Variants in PLA2R1 observed in about 807,000 individuals in gnomAD.
PLA2R1 encodes secretory phospholipase A2 receptor.
Under a neutral mutation model 195.9 loss-of-function variants are expected in PLA2R1, and 158 were observed. The observed-to-expected ratio is 0.81, with a 90% CI of 0.71 to 0.92. PLA2R1 has a LOEUF of 0.92. PLA2R1 is among the 40% of genes least tolerant of loss of function. The probability of loss-of-function intolerance (pLI) is 0.00; values close to 1 mark genes in which losing one functional copy is unlikely to be tolerated. For missense variants in PLA2R1, 1,626 were observed against 1,764.6 expected (o/e 0.92, Z 1.41); for synonymous variants, 586 against 598.2 (o/e 0.98, Z 0.30).
In PLA2R1 at chr2:159,985,603, C is replaced by T. The variant is rs111335119; in HGVS notation, c.2038-1530G>A. Among the ~76,000 whole-genome samples, 1,214 of 152,162 alleles carry T rather than the reference C, an allele frequency of 8.0e-3. 13 individuals carry two copies. The highest frequency in any genetic ancestry group is 0.014 in the Admixed American group (220 of 15,270). The stretch of plus-strand genomic sequence containing the variant: ...CACATATATACACATACAAATCAAC[C>T]GTATGCATCAATTTGTTTGATCTTC... On this transcript the variant is annotated intron_variant, in intron 12 of 29. Transcript: ENST00000283243.
intron 3 of PLA2R1, among the ~76,000 whole-genome samples, chr2:160,037,226 T>C (rs1290576880): frequency 3.3e-5 from 5 of 152,242 alleles, no homozygotes; most frequent in Admixed American, 6.5e-5. Flanking sequence ...TTCAGTATAA[T>C]AGAGCCAGAG....
At chr2:159,996,656 C>A (rs910902555) in intron 11 of PLA2R1, among the ~76,000 whole-genome samples, 1 of 151,922 alleles carries the variant, frequency 6.6e-6, no homozygotes, top group Non-Finnish European at 1.5e-5. Flanking sequence ...TCTTTCTTTT[C>A]CTTCTGATAT....
rs1292123908 is a variant in PLA2R1, at chr2:159,934,389, A to G, written c.*7389T>C. 4 of 152,230 alleles carry G rather than the reference A, an allele frequency of 2.6e-5. No individual in the cohort carries two copies. The highest frequency in any genetic ancestry group is 4.4e-5 in the Non-Finnish European group (3 of 68,046). 9.4% of individuals were successfully genotyped at this position (152,230 alleles called of 1,614,324 possible). A position where few individuals can be genotyped will look rare whatever the true frequency, so the allele number is the denominator to read the frequency against. ...TGTCTGGCTCCTAATCCTACAGCGG[A>G]TGGTGTGTTAGGTAAGTTGGAGACA... On this transcript the variant is annotated 3_prime_UTR_variant, in exon 30 of 30. Transcript: ENST00000283243.
chr2:160,039,259 T>G (rs141748209), intron 3 of PLA2R1, among the ~76,000 whole-genome samples: 3 of 152,254 alleles, frequency 2.0e-5, no homozygotes, highest in African/African-American at 7.2e-5. Flanking sequence ...GTTGGTATCG[T>G]AAAAATATCT....
chr2:160,003,945 T>A (rs1473750079), intron 11 of PLA2R1, among the ~76,000 whole-genome samples: 1 of 152,180 alleles, frequency 6.6e-6, no homozygotes, highest in African/African-American at 2.4e-5. Flanking sequence ...CTAAGACAGA[T>A]TGCTAAGTGA....
At chr2:159,956,458 A>C in intron 21 of PLA2R1, 52 bp downstream of exon 21, 1 of 906,610 alleles carries the variant, frequency 1.1e-6, no homozygotes, top group Non-Finnish European at 1.9e-6. Context: ...ATTTTAATAA[A>C]TACTTGAATA....
chr2:159,951,417 G>C lies in PLA2R1; in HGVS notation c.3463C>G (p.Gln1155Glu), dbSNP rs1687736095. 2 of 1,613,736 alleles carry C rather than the reference G, an allele frequency of 1.2e-6. No individual in the cohort carries two copies. The highest frequency in any genetic ancestry group is 3.3e-5 in the Admixed American group (2 of 59,980). The change falls in exon 24 of 30, where the codon CAG (glutamine) becomes GAG (glutamate). Residue 1155 changes from glutamine to glutamate, a missense_variant. By Grantham distance (29) the Gln-to-Glu change is conservative. Coordinates refer to ENST00000283243, the MANE Select transcript of PLA2R1 (RefSeq NM_007366.5). ...ACAGTGAGGAAGGACTGGTGATACT[G>C]GTCTGTGATGCTGACCAGTTGTGCT... is the stretch of plus-strand genomic sequence containing the variant. ...HKAQLVSITD[Q>E]YHQSFLTVVL...
At chr2:159,962,811 A>C (rs1688536425) in intron 20 of PLA2R1, among the ~76,000 whole-genome samples, 1 of 152,032 alleles carries the variant, frequency 6.6e-6, no homozygotes, top group African/African-American at 2.4e-5. Flanking sequence ...ACATGTTCTC[A>C]CTCATAAGTG....
intron 13 of PLA2R1, among the ~76,000 whole-genome samples, chr2:159,981,103 T>C (rs1689917695): frequency 6.6e-6 from 1 of 152,184 alleles, no homozygotes; most frequent in African/African-American, 2.4e-5. Context: ...AATTCAGAGT[T>C]CTATGTCTTT....
chr2:159,967,280 C>T (rs1688852092), intron 20 of PLA2R1, among the ~76,000 whole-genome samples: 1 of 152,106 alleles, frequency 6.6e-6, no homozygotes, highest in Non-Finnish European at 1.5e-5. Flanking sequence ...ATTCATACAG[C>T]ACAATAAATG....
intron 20 of PLA2R1, among the ~76,000 whole-genome samples, chr2:159,961,166 G>A (rs1230079432): frequency 1.3e-5 from 2 of 152,234 alleles, no homozygotes; most frequent in Non-Finnish European, 2.9e-5. Context: ...AGAAACTCCA[G>A]TGGTGGAATT....
downstream of PLA2R1, among the ~76,000 whole-genome samples, chr2:159,928,202 C>T (rs547432386): frequency 1.3e-5 from 2 of 152,278 alleles, no homozygotes; most frequent in African/African-American, 4.8e-5. Context: ...TGTCGTAATG[C>T]CAATATATGA....
Position 159,969,255 on chromosome 2 carries a change from C to T in PLA2R1, c.2764+1G>A, listed in dbSNP as rs201049845. ...ACCCAAAAATGGGTAAGTAAAATAA[C>T]CTGTTATAGAAGAAATAAAGCCACA... On this transcript the variant is annotated splice_donor_variant, in intron 19 of 29. Transcript: ENST00000283243. LOFTEE classifies it high-confidence loss of function. 2.0e-6 allele frequency: 3 copies of T among 1,526,902 alleles called. No individual in the cohort carries two copies. Among genetic ancestry groups the T allele is most frequent in the Admixed American group, 1.7e-5 (1 of 59,098 alleles). 94.6% of individuals were successfully genotyped at this position (1,526,902 alleles called of 1,614,324 possible).
chr2:159,949,504 G>C, intron 25 of PLA2R1, 104 bp downstream of exon 25: 1 of 734,014 alleles, frequency 1.4e-6, no homozygotes, highest in Non-Finnish European at 2.2e-6. Flanking sequence ...TTCTTGAAGA[G>C]AGACTTCTTA....
At chr2:159,925,404 T>C in the PLA2R1 span, among the ~76,000 whole-genome samples, 1 of 152,162 alleles carries the variant, frequency 6.6e-6, no homozygotes, top group East Asian at 1.9e-4. Context: ...CATTTTGGGC[T>C]CTTATGTATA....
At chr2:160,035,937 G>T (rs1157347280) in intron 3 of PLA2R1, among the ~76,000 whole-genome samples, 1 of 152,160 alleles carries the variant, frequency 6.6e-6, no homozygotes, top group African/African-American at 2.4e-5. Context: ...GGCAGGCTGA[G>T]TTCCCTCTCC....
chr2:159,987,421 T>G (rs1690431940), intron 11 of PLA2R1, 63 bp from the exon 12 acceptor site: 1 of 1,166,970 alleles, frequency 8.6e-7, no homozygotes, highest in African/African-American at 1.5e-5. Flanking sequence ...CTCAGAAGAC[T>G]GCTCTTTAGA....
At chr2:160,008,579 T>C (rs1221415935) in intron 10 of PLA2R1, among the ~76,000 whole-genome samples, 1 of 152,126 alleles carries the variant, frequency 6.6e-6, no homozygotes, top group African/African-American at 2.4e-5. Context: ...ACATGAGAGC[T>C]AAAACTATAA....
chr2:160,055,149 A>C (rs1695455328), intron 1 of PLA2R1, among the ~76,000 whole-genome samples: 2 of 152,204 alleles, frequency 1.3e-5, no homozygotes, highest in Admixed American at 6.5e-5. Flanking sequence ...GAGGCTTAAC[A>C]AGAAAGAGTA....
Sources: gnomAD v4.1 joint callset for allele counts (sites outside exome capture counted in the v4.1 genomes callset) on GRCh38, gnomAD v4.1.1 for gene constraint, MANE v1.5 for transcripts, NCBI Gene and HGNC (gene_info 2026-07-23, HGNC 2026-07-21) for gene names.